The following EAPP variants were observed in gnomAD, a reference collection of about 807,000 sequenced individuals.
EAPP encodes E2F associated phosphoprotein, also known as E2F-associated phosphoprotein.
Under a neutral mutation model 34.3 loss-of-function variants are expected in EAPP, and 38 were observed. The observed-to-expected ratio is 1.11, with a 90% confidence interval of 0.85 to 1.45. The LOEUF (loss-of-function observed/expected upper bound fraction) is 1.45, where lower values mean the gene tolerates loss of function less well. Ranked by LOEUF, EAPP falls within the 40% of genes most tolerant of loss-of-function variation. EAPP has a pLI of 0.00. For missense variants in EAPP, 338 were observed against 343.7 expected, an observed-to-expected ratio of 0.98 and a Z score of 0.13; for synonymous variants, 113 against 117.6, an observed-to-expected ratio of 0.96 and a Z score of 0.25.
chr14:34,535,547 C>G (rs1880442630), intron 2 of EAPP, among the ~76,000 whole-genome samples: 1 of 151,712 alleles, frequency 6.6e-6, no homozygotes, highest in Non-Finnish European at 1.5e-5. Context: ...ATTCTCCTGC[C>G]TCAGCCTCCC....
At chr14:34,520,507 G>T (rs1879884755) in intron 5 of EAPP, among the ~76,000 whole-genome samples, 1 of 149,974 alleles carries the variant, frequency 6.7e-6, no homozygotes, top group Admixed American at 6.7e-5. Context: ...ACCACACCTA[G>T]CCCTTTATTT....
At chr14:34,527,836 A>T (rs905074587) in intron 4 of EAPP, among the ~76,000 whole-genome samples, 1 of 152,170 alleles carries the variant, frequency 6.6e-6, no homozygotes, top group African/African-American at 2.4e-5. Flanking sequence ...CTAACAGTAC[A>T]GCGTTTCCTT....
rs1880356621 is a variant in EAPP, at chr14:34,533,322, AC to A, written c.352+121del. ...AGTGCTGCCATTACAGGTGTGAGCCACCATGCCTAGCTGTAATTTCTTAAAA... is the reference window on the plus strand; with the variant it reads ...AGTGCTGCCATTACAGGTGTGAGCCACATGCCTAGCTGTAATTTCTTAAAA... On this transcript the variant is annotated intron_variant, in intron 3 of 5. Transcript: ENST00000250454. 6.4e-6 allele frequency: 5 copies of A among 778,462 alleles called. 1 individual carries two copies. Among genetic ancestry groups the A allele is most frequent in the Non-Finnish European group, 1.1e-5 (5 of 475,268 alleles). The allele number at this position is 778,462 out of a possible 1,614,324, so 48.2% of individuals were successfully genotyped here. A position where few individuals can be genotyped will look rare whatever the true frequency, so the allele number is the denominator to read the frequency against.
chr14:34,517,159 C>T (rs1410528244), intron 5 of EAPP, among the ~76,000 whole-genome samples: 1 of 151,312 alleles, frequency 6.6e-6, no homozygotes, highest in Non-Finnish European at 1.5e-5. Context: ...AGGATGGTCT[C>T]GATCTTCTGA....
intron 2 of EAPP, among the ~76,000 whole-genome samples, chr14:34,535,054 G>T (rs192223767): frequency 6.6e-6 from 1 of 151,240 alleles, no homozygotes; most frequent in African/African-American, 2.4e-5. Context: ...GGCCAGGCTG[G>T]TCTCAAACTC....
chr14:34,532,887 G>A (rs939059398), intron 3 of EAPP, among the ~76,000 whole-genome samples: 1 of 152,130 alleles, frequency 6.6e-6, no homozygotes, highest in Non-Finnish European at 1.5e-5. Flanking sequence ...ATGTTGGCAA[G>A]ACTGGTCTAG....
intron 1 of EAPP, chr14:34,536,487 T>A: frequency 3.4e-6 from 1 of 293,198 alleles, no homozygotes. Context: ...TTTTTTGAGA[T>A]GGCATCTCAG....
chr14:34,539,391 G>T, intron 1 of EAPP, 164 bp downstream of exon 1: 1 of 763,246 alleles, frequency 1.3e-6, no homozygotes, highest in Non-Finnish European at 2.3e-6. Flanking sequence ...CCCCGGGACT[G>T]CGCGACCCCA....
At chr14:34,518,325 ATTTTTTTTTTTTT>A (rs71404852) in intron 5 of EAPP, among the ~76,000 whole-genome samples, 2 of 74,082 alleles carry the variant, frequency 2.7e-5, no homozygotes, top group East Asian at 9.5e-4. Context: ...CTCCCTTTAG[ATTTTTTTTTTTTT>A]TTTTTTTTTT....
At chr14:34,521,090 C>T (rs1255839994) in intron 5 of EAPP, among the ~76,000 whole-genome samples, 1 of 151,874 alleles carries the variant, frequency 6.6e-6, no homozygotes, top group African/African-American at 2.4e-5. Context: ...ATTTTTGAGA[C>T]CAAGTTTTGC....
intron 3 of EAPP, among the ~76,000 whole-genome samples, chr14:34,533,121 G>A (rs981315425): frequency 6.6e-6 from 1 of 152,050 alleles, no homozygotes; most frequent in African/African-American, 2.4e-5. Context: ...TGCAACCTCC[G>A]CCTCCTGGGT....
chr14:34,526,296 G>A (rs1312559232), intron 4 of EAPP, among the ~76,000 whole-genome samples: 1 of 151,722 alleles, frequency 6.6e-6, no homozygotes, highest in African/African-American at 2.4e-5. Context: ...AGGCATGGTG[G>A]CGGGTACCTA....
At chr14:34,529,294 G>A in intron 4 of EAPP, 64 bp downstream of exon 4, 1 of 1,188,874 alleles carries the variant, frequency 8.4e-7, no homozygotes, top group Non-Finnish European at 1.2e-6. Flanking sequence ...AAATGTGAAT[G>A]TAGTAAAAAT....
At chr14:34,530,320 G>A (rs902025361) in intron 3 of EAPP, among the ~76,000 whole-genome samples, 4 of 152,052 alleles carry the variant, frequency 2.6e-5, no homozygotes, top group Non-Finnish European at 5.9e-5. Context: ...ATCGCTTGAG[G>A]CCAGGAGTTC....
rs915299030 is a variant in EAPP at position 34,516,654 on chromosome 14, A to G, written c.582-68T>C. On this transcript the variant is annotated intron_variant, in intron 5 of 5. Transcript: ENST00000250454. ...GTTAATAGTTTATCCATTTAGATAAAATTTGAGAATACCAAAAACTTACTG... is the reference window on the plus strand; with the variant it reads ...GTTAATAGTTTATCCATTTAGATAAGATTTGAGAATACCAAAAACTTACTG... The G allele has an allele frequency of 1.5e-5, 22 of 1,477,214 alleles. No homozygotes were observed. In the African/African-American group the frequency reaches 2.5e-4, roughly 17 times the overall value. 91.5% of individuals were successfully genotyped at this position (1,477,214 alleles called of 1,614,324 possible). A position where few individuals can be genotyped will look rare whatever the true frequency, so the allele number is the denominator to read the frequency against.
intron 5 of EAPP, 117 bp from the exon 6 acceptor site, chr14:34,516,703 C>G: frequency 9.4e-7 from 1 of 1,059,700 alleles, no homozygotes; most frequent in Non-Finnish European, 1.3e-6. Context: ...AGACAAGACA[C>G]AGGAACAAAA....
At chr14:34,539,462 G>A (rs768998030) in intron 1 of EAPP, 93 bp downstream of exon 1, 1 of 1,373,562 alleles carries the variant, frequency 7.3e-7, no homozygotes, top group East Asian at 2.3e-5. Context: ...AGCCGCTAGG[G>A]TCTGCGTAGG....
At chr14:34,524,629 G>A in intron 5 of EAPP, 68 bp downstream of exon 5, 1 of 1,141,076 alleles carries the variant, frequency 8.8e-7, no homozygotes, top group Non-Finnish European at 1.3e-6. Context: ...AAAAAAAAAA[G>A]TCTGTTTCTA....
At chr14:34,533,116 C>A (rs1217812704) in intron 3 of EAPP, among the ~76,000 whole-genome samples, 2 of 152,144 alleles carry the variant, frequency 1.3e-5, no homozygotes, top group African/African-American at 4.8e-5. Flanking sequence ...CTCACTGCAA[C>A]CTCCGCCTCC....
Sources: allele counts gnomAD v4.1 joint callset (sites outside exome capture counted in the v4.1 genomes callset), GRCh38; gene constraint gnomAD v4.1.1; transcripts MANE v1.5; gene names NCBI Gene and HGNC (gene_info 2026-07-23, HGNC 2026-07-21).